Variants in CAMTA1 observed in about 807,000 individuals in gnomAD.
CAMTA1 encodes the protein calmodulin binding transcription activator 1.
In CAMTA1, 27 loss-of-function variants were observed where a neutral mutation model predicts 170.9. That is an observed-to-expected ratio of 0.16 (90% CI 0.12 to 0.22). CAMTA1 has a LOEUF of 0.22. Ranked by LOEUF, CAMTA1 falls within the 10% of genes least tolerant of loss-of-function variation. The pLI, the probability that CAMTA1 is intolerant of heterozygous loss-of-function variation, is 1.00. For missense variants in CAMTA1, 1,619 were observed against 2,217.2 expected (o/e 0.73, Z 5.42); for synonymous variants, 833 against 891.5 (o/e 0.93, Z 1.17).
chr1:7,036,960 C>T lies in CAMTA1; in HGVS notation c.235-54344C>T, dbSNP rs985414194. On this transcript the variant is annotated intron_variant, in intron 3 of 22. Transcript: ENST00000303635. ...GTGTTTCAGTGAGGCCTTGGAAGTT[C>T]GGGGCTGGTACTACAGCCTGCTATA... Among the ~76,000 whole-genome samples the T allele has an allele frequency of 5.3e-5, 8 of 152,252 alleles. No individual in the cohort carries two copies. The South Asian group carries it at 6.2e-4, about 12-fold the overall frequency.
At chr1:7,553,433 CGT>C (rs2094834817) in intron 6 of CAMTA1, among the ~76,000 whole-genome samples, 2 of 152,224 alleles carry the variant, frequency 1.3e-5, no homozygotes, top group Admixed American at 1.3e-4. Flanking sequence ...AGTGCTGCCA[CGT>C]GTAGGGGCTG....
Position 7,267,944 on chromosome 1 carries a change from C to G in CAMTA1, c.438+18318C>G, listed in dbSNP as rs571427599. ...CCTCTTGGACACCTATAAAAATGTC[C>G]AGAGGCTTCCAATGGCCATGGCAAA... is the stretch of plus-strand genomic sequence containing the variant. On this transcript the variant is annotated intron_variant, in intron 5 of 22. Coordinates refer to ENST00000303635, the MANE Select transcript of CAMTA1 (RefSeq NM_015215.4). 2.0e-5 allele frequency among the ~76,000 whole-genome samples: 3 copies of G among 152,290 alleles called. No individual in the cohort carries two copies. In the South Asian group the frequency reaches 6.2e-4, roughly 32 times the overall value.
chr1:7,273,483 T>C (rs1670146674), intron 5 of CAMTA1, among the ~76,000 whole-genome samples: 1 of 152,188 alleles, frequency 6.6e-6, no homozygotes, highest in Admixed American at 6.5e-5. Flanking sequence ...AAAGACCATA[T>C]ATTATGTGAT....
In CAMTA1 at chr1:7,317,360, G is replaced by A. The variant is rs142849390; in HGVS notation, c.438+67734G>A. On this transcript the variant is annotated intron_variant, in intron 5 of 22. Coordinates refer to ENST00000303635, the MANE Select transcript of CAMTA1 (RefSeq NM_015215.4). ...AGGATGACAACTCTGTGATCCACCT[G>A]TGTGACACTGAAGAAGTCACTCAAC... 9.8e-5 allele frequency among the ~76,000 whole-genome samples: 15 copies of A among 152,344 alleles called. No individual in the cohort carries two copies. The East Asian group carries it at 2.9e-3, about 29-fold the overall frequency.
chr1:7,637,976 A>T (rs2148912839), intron 6 of CAMTA1, among the ~76,000 whole-genome samples: 1 of 152,340 alleles, frequency 6.6e-6, no homozygotes, highest in South Asian at 2.1e-4. Flanking sequence ...GTGTTGATTG[A>T]GTTTCCTGGT....
At chr1:7,737,109 T>TG in intron 14 of CAMTA1, 100 bp downstream of exon 14, 21 of 1,321,714 alleles carry the variant, frequency 1.6e-5, no homozygotes, top group Non-Finnish European at 2.3e-5. Flanking sequence ...CATGGCATGT[T>TG]TCGGAGATAC....
At chr1:6,963,221 C>T (rs1690832134) in intron 3 of CAMTA1, among the ~76,000 whole-genome samples, 1 of 138,070 alleles carries the variant, frequency 7.2e-6, no homozygotes, top group African/African-American at 2.6e-5. Context: ...TTGGAACTAC[C>T]CATCTTTCCT....
At chr1:7,109,023 T>C (rs1447269291) in intron 4 of CAMTA1, among the ~76,000 whole-genome samples, 2 of 152,212 alleles carry the variant, frequency 1.3e-5, no homozygotes, top group African/African-American at 4.8e-5. Flanking sequence ...TTTCTAGCTG[T>C]TGGCCAGAGG....
chr1:6,901,716 T>G (rs1209559809), intron 3 of CAMTA1, among the ~76,000 whole-genome samples: 1 of 152,124 alleles, frequency 6.6e-6, no homozygotes, highest in East Asian at 1.9e-4. Flanking sequence ...AAAAAGACCC[T>G]GGTAATACCA....
intron 3 of CAMTA1, among the ~76,000 whole-genome samples, chr1:6,920,893 A>AT (rs962836298): frequency 7.2e-5 from 11 of 152,000 alleles, no homozygotes; most frequent in Non-Finnish European, 1.5e-4. Context: ...CCACGAAACC[A>AT]TTTTTTCCTT....
chr1:7,312,092 A>G (rs962324212), intron 5 of CAMTA1, among the ~76,000 whole-genome samples: 1 of 152,140 alleles, frequency 6.6e-6, no homozygotes, highest in African/African-American at 2.4e-5. Flanking sequence ...AGTTGTACAG[A>G]TGCCATGACT....
chr1:7,187,322 G>T (rs1653564080), intron 4 of CAMTA1, among the ~76,000 whole-genome samples: 1 of 152,120 alleles, frequency 6.6e-6, no homozygotes, highest in African/African-American at 2.4e-5. Flanking sequence ...TCACTGGGAA[G>T]GATTGCCAAC....
At chr1:6,924,963 G>C (rs560534942) in intron 3 of CAMTA1, among the ~76,000 whole-genome samples, 2 of 152,222 alleles carry the variant, frequency 1.3e-5, no homozygotes, top group Non-Finnish European at 2.9e-5. Flanking sequence ...GGTTGGGGGG[G>C]ACTGTGCTGT....
At chr1:7,128,258 T>C (rs984288864) in intron 4 of CAMTA1, among the ~76,000 whole-genome samples, 1 of 152,158 alleles carries the variant, frequency 6.6e-6, no homozygotes, top group Admixed American at 6.5e-5. Context: ...TCTGTCTCCT[T>C]TTGCTATAAT....
At chr1:7,687,922 G>A (rs1014163524) in intron 11 of CAMTA1, among the ~76,000 whole-genome samples, 8 of 151,828 alleles carry the variant, frequency 5.3e-5, no homozygotes, top group South Asian at 2.1e-4. Context: ...TGCAAGAATC[G>A]TGCAGATTCA....
intron 1 of CAMTA1, among the ~76,000 whole-genome samples, chr1:6,797,015 G>A (rs188616747): frequency 3.3e-5 from 5 of 152,344 alleles, no homozygotes; most frequent in African/African-American, 4.8e-5. Flanking sequence ...AATAATGCAT[G>A]ATTAGAATTG....
intron 6 of CAMTA1, among the ~76,000 whole-genome samples, chr1:7,638,173 G>C (rs2095729895): frequency 6.6e-6 from 1 of 152,226 alleles, no homozygotes; most frequent in African/African-American, 2.4e-5. Context: ...CTGGGGTCCT[G>C]CCTGTCCCAG....
chr1:7,604,304 A>G (rs1459523380), intron 6 of CAMTA1, among the ~76,000 whole-genome samples: 1 of 152,226 alleles, frequency 6.6e-6, no homozygotes, highest in Non-Finnish European at 1.5e-5. Flanking sequence ...TCTCCCCATC[A>G]CTTTCAGGTA....
chr1:7,740,631 T>C (rs920906300), intron 16 of CAMTA1, among the ~76,000 whole-genome samples: 2 of 152,222 alleles, frequency 1.3e-5, no homozygotes, highest in Admixed American at 6.5e-5. Context: ...TGGTGCCACA[T>C]GTGGAATCGG....
Sources: allele counts gnomAD v4.1 joint callset (sites outside exome capture counted in the v4.1 genomes callset), GRCh38; gene constraint gnomAD v4.1.1; transcripts MANE v1.5; gene names NCBI Gene and HGNC (gene_info 2026-07-23, HGNC 2026-07-21).